AGMO: variants seen among roughly 807,000 people sequenced by gnomAD.
AGMO encodes the protein alkylglycerol monooxygenase.
Under a neutral mutation model 60.2 loss-of-function variants are expected in AGMO, and 75 were observed. The observed-to-expected ratio is 1.25, with a 90% CI of 1.03 to 1.51. The LOEUF (loss-of-function observed/expected upper bound fraction) is 1.51. AGMO is among the 40% of genes most tolerant of loss of function. The pLI is 0.00. For missense variants in AGMO, 763 were observed against 525.5 expected, an observed-to-expected ratio of 1.45 and a Z score of -4.42; for synonymous variants, 261 against 177.1, an observed-to-expected ratio of 1.47 and a Z score of -3.76.
the AGMO span, among the ~76,000 whole-genome samples, chr7:15,150,068 T>C: frequency 6.6e-6 from 1 of 152,220 alleles, no homozygotes; most frequent in South Asian, 2.1e-4. Context: ...TTATTATGAA[T>C]GGGATTGCAT....
chr7:15,559,551 A>T (rs972902877), intron 2 of AGMO, among the ~76,000 whole-genome samples: 1 of 152,072 alleles, frequency 6.6e-6, no homozygotes, highest in Non-Finnish European at 1.5e-5. Flanking sequence ...GCATGACAGG[A>T]TAAACATGAC....
chr7:15,247,224 C>T (rs1324907812), intron 12 of AGMO, among the ~76,000 whole-genome samples: 1 of 151,650 alleles, frequency 6.6e-6, no homozygotes, highest in Non-Finnish European at 1.5e-5. Flanking sequence ...CTAATAAATG[C>T]TAAACAGCTA....
At chr7:15,163,780 C>CTT in the AGMO span, among the ~76,000 whole-genome samples, 40 of 150,450 alleles carry the variant, frequency 2.7e-4, no homozygotes, top group Middle Eastern at 0.02. Context: ...CTACAGTTTT[C>CTT]TTTTTTTTTA....
At chr7:15,454,758 C>T (rs527590619) in intron 3 of AGMO, among the ~76,000 whole-genome samples, 2 of 152,046 alleles carry the variant, frequency 1.3e-5, no homozygotes, top group Non-Finnish European at 2.9e-5. Flanking sequence ...TCTTCTATCA[C>T]CATAGATACT....
At chr7:15,466,024 A>T (rs1782275458) in intron 3 of AGMO, among the ~76,000 whole-genome samples, 1 of 152,132 alleles carries the variant, frequency 6.6e-6, no homozygotes, top group South Asian at 2.1e-4. Flanking sequence ...CTTCTTTATA[A>T]GTTGGGGGTA....
downstream of AGMO, among the ~76,000 whole-genome samples, chr7:15,195,835 T>C (rs1781103616): frequency 6.6e-6 from 1 of 152,172 alleles, no homozygotes; most frequent in Non-Finnish European, 1.5e-5. Context: ...CCTGTATCAT[T>C]ACCATTATTA....
chr7:15,480,776 G>C (rs1782726901), intron 3 of AGMO, among the ~76,000 whole-genome samples: 1 of 152,024 alleles, frequency 6.6e-6, no homozygotes, highest in Admixed American at 6.6e-5. Flanking sequence ...CAAAGCACCT[G>C]CCACTGCTAC....
chr7:15,349,549 T>TAC (rs544830290), intron 12 of AGMO, among the ~76,000 whole-genome samples: 10 of 152,138 alleles, frequency 6.6e-5, no homozygotes, highest in African/African-American at 1.7e-4. Flanking sequence ...ACCCAATACC[T>TAC]ACCTCATTTC....
rs1181265100 is a variant in AGMO, at chr7:15,529,649, ATATATT to A, written c.409+15117_409+15122del. ...TATATATAGAATATATATATATACT[ATATATT>A]CTATATATATTCTATATATATTCTA... On this transcript the variant is annotated intron_variant, in intron 3 of 12. Transcript: ENST00000342526. Among the ~76,000 whole-genome samples, 58 of 46,394 alleles carry A rather than the reference ATATATT, an allele frequency of 1.3e-3. 17 individuals carry two copies. In the South Asian group the frequency reaches 0.029, roughly 23 times the overall value. 30.4% of individuals were successfully genotyped at this position (46,394 alleles called of 152,430 possible).
At chr7:15,207,943 A>C (rs898804828) in intron 12 of AGMO, among the ~76,000 whole-genome samples, 6 of 152,206 alleles carry the variant, frequency 3.9e-5, no homozygotes, top group Admixed American at 1.3e-4. Context: ...CAAAAAAATA[A>C]AGTAAAATAA....
At chr7:15,440,846 T>C (rs1781535136) in intron 3 of AGMO, among the ~76,000 whole-genome samples, 1 of 152,218 alleles carries the variant, frequency 6.6e-6, no homozygotes, top group South Asian at 2.1e-4. Flanking sequence ...TAATGGAAAG[T>C]AATGTTATGG....
downstream of AGMO, among the ~76,000 whole-genome samples, chr7:15,196,879 G>C (rs1298940522): frequency 2.6e-5 from 4 of 152,146 alleles, no homozygotes; most frequent in East Asian, 1.9e-4. Context: ...TAGAGTTGTA[G>C]AATGTCAAAA....
chr7:15,385,356 T>C, intron 10 of AGMO, 90 bp downstream of exon 10: 2 of 868,254 alleles, frequency 2.3e-6, no homozygotes, highest in Non-Finnish European at 3.7e-6. Flanking sequence ...ACAGAGAATA[T>C]ATGACAGCCT....
chr7:15,245,141 TAGATTA>T (rs1782703896), intron 12 of AGMO, among the ~76,000 whole-genome samples: 1 of 152,204 alleles, frequency 6.6e-6, no homozygotes, highest in Non-Finnish European at 1.5e-5. Context: ...AGTACCCTAG[TAGATTA>T]GGGTATTGTA....
chr7:15,537,744 T>C (rs940666853), intron 3 of AGMO, among the ~76,000 whole-genome samples: 1 of 152,162 alleles, frequency 6.6e-6, no homozygotes, highest in Non-Finnish European at 1.5e-5. Context: ...TTTTCAAATG[T>C]ACTTTCTATA....
intron 10 of AGMO, among the ~76,000 whole-genome samples, chr7:15,369,223 G>C (rs1420820530): frequency 6.6e-6 from 1 of 151,742 alleles, no homozygotes; most frequent in Non-Finnish European, 1.5e-5. Context: ...CCCCTAACTG[G>C]TCTTCCTACT....
chr7:15,437,438 A>G (rs1781431048), intron 3 of AGMO, among the ~76,000 whole-genome samples: 1 of 152,068 alleles, frequency 6.6e-6, no homozygotes, highest in South Asian at 2.1e-4. Context: ...CTGGGCCTCC[A>G]TATTTTTGTT....
the AGMO span, among the ~76,000 whole-genome samples, chr7:15,148,621 T>C: frequency 6.6e-6 from 1 of 152,176 alleles, no homozygotes; most frequent in South Asian, 2.1e-4. Context: ...TTGCTTAGGA[T>C]ACTGACTGCA....
chr7:15,248,216 A>ATATATATAT (rs1554401280), intron 12 of AGMO, among the ~76,000 whole-genome samples: 3 of 107,724 alleles, frequency 2.8e-5, no homozygotes, highest in African/African-American at 1.0e-4. Context: ...ATATATATAT[A>ATATATATAT]TATATATATC....
Sources: allele counts gnomAD v4.1 joint callset (sites outside exome capture counted in the v4.1 genomes callset), GRCh38; gene constraint gnomAD v4.1.1; transcripts MANE v1.5; gene names NCBI Gene and HGNC (gene_info 2026-07-23, HGNC 2026-07-21).